SLC44A5: variants seen among roughly 807,000 people sequenced by gnomAD.
SLC44A5 encodes the protein choline transporter-like protein 5.
SLC44A5 carries 57 observed loss-of-function variants against 101.8 expected under a neutral mutation model. That is an observed-to-expected ratio of 0.56 (90% CI 0.45 to 0.70). SLC44A5 has a LOEUF of 0.70. Ranked by LOEUF, SLC44A5 falls within the 30% of genes least tolerant of loss-of-function variation. The probability of loss-of-function intolerance (pLI) is 0.00; values close to 1 mark genes in which losing one functional copy is unlikely to be tolerated. For synonymous variants in SLC44A5, 281 were observed against 290.9 expected (o/e 0.97, Z 0.35); for missense variants, 737 against 853.1 (o/e 0.86, Z 1.70).
At chr1:75,524,923 C>G (rs1670332333) in intron 2 of SLC44A5, among the ~76,000 whole-genome samples, 1 of 152,008 alleles carries the variant, frequency 6.6e-6, no homozygotes, top group East Asian at 1.9e-4. Flanking sequence ...TGGTTTTTCT[C>G]TATATTCAAA....
the SLC44A5 span, among the ~76,000 whole-genome samples, chr1:75,694,002 T>C: frequency 6.6e-6 from 1 of 151,810 alleles, no homozygotes; most frequent in East Asian, 1.9e-4. Context: ...TGAGTTTTGC[T>C]GTGAAGAGCA....
At chr1:75,450,924 T>TA (rs1366172662) in intron 2 of SLC44A5, among the ~76,000 whole-genome samples, 1 of 152,160 alleles carries the variant, frequency 6.6e-6, no homozygotes, top group Non-Finnish European at 1.5e-5. Context: ...TTTCCTGACT[T>TA]AGAGTGTGTT....
Position 75,251,263 on chromosome 1 carries a change from A to G in SLC44A5, c.292T>C (p.Leu98=), listed in dbSNP as rs753611215. 1.9e-6 allele frequency: 3 copies of G among 1,613,536 alleles called. No homozygotes were observed. The highest frequency in any genetic ancestry group is 1.1e-5 in the South Asian group (1 of 91,034). ...NKTILFYFNL[L]RCTSPSVLLN... is the part of the protein sequence containing the mutation. ...AACACGGAGGGACTGGTACAGCGTA[A>G]CAGGTTAAAGTAAAACAAAATGGTC... is the stretch of plus-strand genomic sequence containing the variant. The change falls in exon 7 of 24, where the codon TTA becomes CTA. Residue 98 remains leucine (L), a synonymous_variant. Coordinates refer to ENST00000370859, the MANE Select transcript of SLC44A5 (RefSeq NM_001130058.2).
chr1:75,612,075 A>G (rs1675679595), upstream of SLC44A5, among the ~76,000 whole-genome samples: 1 of 152,164 alleles, frequency 6.6e-6, no homozygotes, highest in Non-Finnish European at 1.5e-5. Flanking sequence ...CTAAGCAGGG[A>G]TTCCTAGAGA....
At chr1:75,344,386 T>C (rs1453829243) in intron 3 of SLC44A5, among the ~76,000 whole-genome samples, 1 of 152,202 alleles carries the variant, frequency 6.6e-6, no homozygotes, top group African/African-American at 2.4e-5. Flanking sequence ...GACAGAATAA[T>C]GGCCTCCCAA....
At chr1:75,552,330 T>C (rs1240638344) in intron 1 of SLC44A5, among the ~76,000 whole-genome samples, 6 of 152,272 alleles carry the variant, frequency 3.9e-5, no homozygotes, top group Non-Finnish European at 8.8e-5. Context: ...TGTTGAATGA[T>C]TGAATGTATG....
chr1:75,703,093 T>A, the SLC44A5 span, among the ~76,000 whole-genome samples: 4 of 150,610 alleles, frequency 2.7e-5, no homozygotes, highest in Admixed American at 2.7e-4. Context: ...ATTGTGGAAG[T>A]CAGTGTGGCG....
At chr1:75,366,947 A>T (rs1659900993) in intron 3 of SLC44A5, among the ~76,000 whole-genome samples, 1 of 42,618 alleles carries the variant, frequency 2.3e-5, no homozygotes, top group Non-Finnish European at 4.1e-5. Flanking sequence ...TTAAATAATT[A>T]TCTATCTATG....
intron 3 of SLC44A5, among the ~76,000 whole-genome samples, chr1:75,383,603 G>A (rs1395829351): frequency 4.6e-5 from 7 of 151,994 alleles, no homozygotes; most frequent in South Asian, 2.1e-4. Context: ...AAGTGACGGG[G>A]AGAATGGAAC....
chr1:75,354,092 C>A (rs1490871557), intron 3 of SLC44A5: 1 of 265,032 alleles, frequency 3.8e-6, no homozygotes, highest in Middle Eastern at 5.2e-4. Flanking sequence ...GATTTTAGAA[C>A]AAAGTTTCTA....
intron 2 of SLC44A5, among the ~76,000 whole-genome samples, chr1:75,464,241 A>AAAG (rs1666684090): frequency 6.6e-6 from 1 of 150,464 alleles, no homozygotes. Flanking sequence ...AAAAAAAAAA[A>AAAG]AAGCAAGAAA....
At chr1:75,458,695 A>G (rs1365731635) in intron 2 of SLC44A5, among the ~76,000 whole-genome samples, 1 of 152,202 alleles carries the variant, frequency 6.6e-6, no homozygotes, top group Non-Finnish European at 1.5e-5. Flanking sequence ...CCTTTCACAA[A>G]AACTAAGGAA....
At chr1:75,604,773 G>T (rs1406685931) in intron 1 of SLC44A5, among the ~76,000 whole-genome samples, 1 of 151,886 alleles carries the variant, frequency 6.6e-6, no homozygotes, top group Non-Finnish European at 1.5e-5. Context: ...GTGTATGTGT[G>T]TGTGTACTGT....
chr1:75,472,544 C>A lies in SLC44A5; in HGVS notation c.13+68891G>T, dbSNP rs117534952. ...GCAAGCTAGGAGTGTTTTGAGCTTGCGCTGTGAAGTGAGATATCAGCGCCC... is the reference window on the plus strand; with the variant it reads ...GCAAGCTAGGAGTGTTTTGAGCTTGAGCTGTGAAGTGAGATATCAGCGCCC... On this transcript the variant is annotated intron_variant, in intron 2 of 23. Transcript: ENST00000370859. 4.3e-4 allele frequency among the ~76,000 whole-genome samples: 66 copies of A among 152,236 alleles called. 2 individuals carry two copies. The East Asian group carries it at 0.011, about 25-fold the overall frequency.
At chr1:75,709,971 T>G in the SLC44A5 span, 1 of 152,232 alleles carries the variant, frequency 6.6e-6, no homozygotes, top group Non-Finnish European at 1.5e-5. Flanking sequence ...AATCTTAAAA[T>G]TATGGTAAAT....
chr1:75,595,595 A>G (rs1281553229), intron 1 of SLC44A5, among the ~76,000 whole-genome samples: 1 of 152,178 alleles, frequency 6.6e-6, no homozygotes, highest in African/African-American at 2.4e-5. Flanking sequence ...CTACTACAGA[A>G]AGAAGCAATA....
the SLC44A5 span, among the ~76,000 whole-genome samples, chr1:75,715,447 C>T: frequency 0.032 from 4,824 of 152,114 alleles, 256 homozygotes; most frequent in African/African-American, 0.11. Flanking sequence ...CAAAAACAGA[C>T]GTAAAGACCA....
At chr1:75,305,094 T>C (rs1298247581) in intron 4 of SLC44A5, among the ~76,000 whole-genome samples, 2 of 152,252 alleles carry the variant, frequency 1.3e-5, no homozygotes, top group African/African-American at 2.4e-5. Flanking sequence ...TCCAATTACA[T>C]GTGCATGTGC....
chr1:75,567,495 C>T (rs529630346), intron 1 of SLC44A5, among the ~76,000 whole-genome samples: 1 of 152,118 alleles, frequency 6.6e-6, no homozygotes, highest in Admixed American at 6.5e-5. Flanking sequence ...TTGCTAATTC[C>T]AAAGCCATAA....
Sources: allele counts gnomAD v4.1 joint callset (sites outside exome capture counted in the v4.1 genomes callset), GRCh38; gene constraint gnomAD v4.1.1; transcripts MANE v1.5; gene names NCBI Gene and HGNC (gene_info 2026-07-23, HGNC 2026-07-21).